KLF12: variants seen among roughly 807,000 people sequenced by gnomAD.
The protein encoded by KLF12 is KLF transcription factor 12.
In KLF12, 9 loss-of-function variants were observed where a neutral mutation model predicts 37.8. That is an observed-to-expected ratio of 0.24 (90% CI 0.14 to 0.42). KLF12 has a LOEUF of 0.42. KLF12 is among the 10% of genes least tolerant of loss of function. KLF12 has a pLI of 1.00. For synonymous variants in KLF12, 208 were observed against 202.1 expected, an observed-to-expected ratio of 1.03 and a Z score of -0.25; for missense variants, 411 against 516.0, an observed-to-expected ratio of 0.80 and a Z score of 1.97.
intron 1 of KLF12, among the ~76,000 whole-genome samples, chr13:74,005,766 A>G (rs1018574133): frequency 6.6e-5 from 10 of 152,224 alleles, no homozygotes; most frequent in Non-Finnish European, 1.3e-4. Context: ...ATAAATGGCA[A>G]TCTTTGTCCA....
chr13:73,735,066 T>G (rs1331147417), intron 6 of KLF12, among the ~76,000 whole-genome samples: 1 of 145,882 alleles, frequency 6.9e-6, no homozygotes, highest in Non-Finnish European at 1.5e-5. Context: ...GGCGGGAGGA[T>G]CACTTGAGCC....
the KLF12 span, among the ~76,000 whole-genome samples, chr13:74,189,977 GTTAT>G: frequency 6.6e-6 from 1 of 151,788 alleles, no homozygotes; most frequent in African/African-American, 2.4e-5. Flanking sequence ...AATGCAAAAC[GTTAT>G]TTAACTACTA....
chr13:73,880,927 A>G (rs1027796144), intron 3 of KLF12, among the ~76,000 whole-genome samples: 4 of 152,238 alleles, frequency 2.6e-5, no homozygotes, highest in Non-Finnish European at 5.9e-5. Flanking sequence ...AGAAGTTATT[A>G]TTGCATTAGA....
chr13:73,777,228 A>C (rs1283538392), intron 5 of KLF12, among the ~76,000 whole-genome samples: 1 of 152,226 alleles, frequency 6.6e-6, no homozygotes, highest in African/African-American at 2.4e-5. Context: ...ACGTATGTGC[A>C]AAAAGGAAGA....
chr13:74,161,936 A>G, the KLF12 span, among the ~76,000 whole-genome samples: 1 of 152,218 alleles, frequency 6.6e-6, no homozygotes, highest in East Asian at 1.9e-4. Context: ...GAGATGATGT[A>G]CTTAAATTGC....
chr13:73,923,319 A>G, intron 3 of KLF12, among the ~76,000 whole-genome samples: 1 of 152,224 alleles, frequency 6.6e-6, no homozygotes, highest in South Asian at 2.1e-4. Flanking sequence ...GCAGGAATTC[A>G]AAGGCTGCTG....
At chr13:73,824,274 G>A (rs191030768) in intron 4 of KLF12, among the ~76,000 whole-genome samples, 99 of 152,226 alleles carry the variant, frequency 6.5e-4, no homozygotes, top group Non-Finnish European at 4.6e-4. Context: ...GATGAGCCCC[G>A]TAGTTGTGCA....
At chr13:73,921,547 C>T (rs1461168431) in intron 3 of KLF12, among the ~76,000 whole-genome samples, 2 of 152,118 alleles carry the variant, frequency 1.3e-5, no homozygotes, top group East Asian at 3.8e-4. Flanking sequence ...ACATATTCCA[C>T]AACTTAATCT....
chr13:73,706,393 T>C (rs1041888337), intron 7 of KLF12, among the ~76,000 whole-genome samples: 58 of 152,334 alleles, frequency 3.8e-4, no homozygotes, highest in African/African-American at 1.4e-3. Flanking sequence ...GATCAACTGT[T>C]TTTTAAATAA....
chr13:74,061,822 T>TA (rs1873611187), intron 1 of KLF12, among the ~76,000 whole-genome samples: 2 of 152,232 alleles, frequency 1.3e-5, no homozygotes, highest in African/African-American at 2.4e-5. Flanking sequence ...ATGATTTTTA[T>TA]ACCTTGACGT....
intron 7 of KLF12, among the ~76,000 whole-genome samples, chr13:73,709,980 T>A (rs924924300): frequency 1.6e-4 from 24 of 152,158 alleles, no homozygotes; most frequent in African/African-American, 5.8e-4. Context: ...GGGAGAACTT[T>A]CAAGTCATTT....
intron 1 of KLF12, among the ~76,000 whole-genome samples, chr13:74,068,732 T>C (rs1384618791): frequency 6.6e-6 from 1 of 152,044 alleles, no homozygotes; most frequent in Non-Finnish European, 1.5e-5. Context: ...AATTTTCGTA[T>C]TTTTAGTAGA....
intron 1 of KLF12, among the ~76,000 whole-genome samples, chr13:74,116,740 T>C (rs1877325692): frequency 6.6e-6 from 1 of 152,180 alleles, no homozygotes; most frequent in Non-Finnish European, 1.5e-5. Flanking sequence ...GAAATAATTG[T>C]TCTATTCAAG....
At chr13:74,235,631 G>A in the KLF12 span, among the ~76,000 whole-genome samples, 599 of 152,146 alleles carry the variant, frequency 3.9e-3, 5 homozygotes, top group African/African-American at 0.013. Context: ...TATGTTAATA[G>A]CAATTTATTT....
In KLF12 at chr13:73,911,179, C is replaced by T. The variant is rs550011565; in HGVS notation, c.123+32802G>A. The stretch of plus-strand genomic sequence containing the variant: ...ACTTAGTCATTCTATACTGTGTGCA[C>T]ATCAGGACATCTCACTGGGCCCCAT... On this transcript the variant is annotated intron_variant, in intron 3 of 7. Transcript: ENST00000377669. Among the ~76,000 whole-genome samples the T allele has an allele frequency of 8.3e-4, 126 of 152,146 alleles. 1 individual carries two copies. The highest frequency in any genetic ancestry group is 2.9e-3 in the African/African-American group (121 of 41,510).
chr13:73,924,463 A>G (rs1889282023), intron 3 of KLF12, among the ~76,000 whole-genome samples: 1 of 152,116 alleles, frequency 6.6e-6, no homozygotes, highest in Non-Finnish European at 1.5e-5. Context: ...ATGTAACTAC[A>G]GTGATTTTTT....
chr13:73,894,046 C>G (rs978764799), intron 3 of KLF12, among the ~76,000 whole-genome samples: 3 of 152,028 alleles, frequency 2.0e-5, no homozygotes, highest in African/African-American at 7.2e-5. Flanking sequence ...AAAGGCTGCC[C>G]GAGTTAGTGA....
At chr13:73,789,685 T>G (rs1313968520) in intron 5 of KLF12, among the ~76,000 whole-genome samples, 1 of 151,664 alleles carries the variant, frequency 6.6e-6, no homozygotes, top group Admixed American at 6.6e-5. Context: ...TTTTTTTTTT[T>G]TTTTTCTTTG....
chr13:73,872,096 C>T (rs922308025), intron 3 of KLF12, among the ~76,000 whole-genome samples: 14 of 152,112 alleles, frequency 9.2e-5, no homozygotes, highest in African/African-American at 2.9e-4. Context: ...AAGACGGCCA[C>T]GTGCTTGGGT....
Sources: gnomAD v4.1 joint callset for allele counts (sites outside exome capture counted in the v4.1 genomes callset) on GRCh38, gnomAD v4.1.1 for gene constraint, MANE v1.5 for transcripts, NCBI Gene and HGNC (gene_info 2026-07-23, HGNC 2026-07-21) for gene names.